PID1: variants seen among roughly 807,000 people sequenced by gnomAD.
The protein encoded by PID1 is PTB-containing, cubilin and LRP1-interacting protein.
A neutral mutation model predicts 19.1 loss-of-function variants in PID1; 10 were observed. The ratio of observed to expected loss-of-function variants is 0.52; its 90% CI spans 0.32 to 0.89. PID1 has a LOEUF of 0.89. Among genes scored for constraint, PID1 ranks in the 40% least tolerant of loss-of-function variants. PID1 has a pLI of 0.03. For missense variants in PID1, 248 were observed against 285.3 expected, an observed-to-expected ratio of 0.87 and a Z score of 0.94; for synonymous variants, 130 against 116.0, an observed-to-expected ratio of 1.12 and a Z score of -0.78.
At chr2:229,113,509 C>CATATATATATATATAT (rs3067619) in intron 2 of PID1, among the ~76,000 whole-genome samples, 1 of 138,204 alleles carries the variant, frequency 7.2e-6, no homozygotes, top group African/African-American at 2.7e-5. Context: ...TGTGTGTATA[C>CATATATATATATATAT]ATATATATAT....
intron 2 of PID1, among the ~76,000 whole-genome samples, chr2:229,031,663 T>C (rs1259236714): frequency 6.6e-6 from 1 of 152,032 alleles, no homozygotes; most frequent in African/African-American, 2.4e-5. Context: ...AGAAATGGAA[T>C]GGAAAGAATT....
intron 1 of PID1, among the ~76,000 whole-genome samples, chr2:229,231,435 T>A (rs1323799510): frequency 1.3e-5 from 2 of 152,040 alleles, no homozygotes; most frequent in Admixed American, 1.3e-4. Flanking sequence ...GAATCTACCA[T>A]CACATGACTA....
At chr2:229,126,102 G>A (rs1220995382) in intron 2 of PID1, among the ~76,000 whole-genome samples, 3 of 152,114 alleles carry the variant, frequency 2.0e-5, no homozygotes, top group Non-Finnish European at 4.4e-5. Context: ...TCACGAGTTT[G>A]CAACACTCCC....
chr2:229,184,417 G>A lies in PID1; in HGVS notation c.31-28453C>T, dbSNP rs1247000311. On this transcript the variant is annotated intron_variant, in intron 1 of 2. Transcript: ENST00000392055. ...TATCTATCCCGTATATATCTATCCC[G>A]TATATATATAGCCCGTATATATATA... 4.9e-5 allele frequency among the ~76,000 whole-genome samples: 2 copies of A among 40,784 alleles called. 1 individual carries two copies. The highest frequency in any genetic ancestry group is 8.7e-5 in the Non-Finnish European group (2 of 22,958). The allele number at this position is 40,784 out of a possible 152,430, so 26.8% of individuals were successfully genotyped here.
At chr2:229,225,693 G>C (rs1208624692) in intron 1 of PID1, among the ~76,000 whole-genome samples, 1 of 152,196 alleles carries the variant, frequency 6.6e-6, no homozygotes, top group Non-Finnish European at 1.5e-5. Context: ...TTGACTCACA[G>C]TTTAGCATGT....
chr2:229,249,440 A>T (rs907934908), intron 1 of PID1, among the ~76,000 whole-genome samples: 1 of 152,328 alleles, frequency 6.6e-6, no homozygotes, highest in African/African-American at 2.4e-5. Flanking sequence ...AAATTATAAA[A>T]TATCATTAGT....
intron 2 of PID1, among the ~76,000 whole-genome samples, chr2:229,095,119 C>T (rs1694949473): frequency 6.6e-6 from 1 of 152,070 alleles, no homozygotes; most frequent in Admixed American, 6.6e-5. Flanking sequence ...CTTCCCATAC[C>T]CTTCCCTAAC....
At chr2:229,204,323 C>T (rs1691559721) in intron 1 of PID1, among the ~76,000 whole-genome samples, 1 of 151,982 alleles carries the variant, frequency 6.6e-6, no homozygotes, top group Non-Finnish European at 1.5e-5. Flanking sequence ...GTACTACATA[C>T]AAAAAATGAT....
intron 2 of PID1, among the ~76,000 whole-genome samples, chr2:229,084,015 A>G (rs1694717152): frequency 6.6e-6 from 1 of 152,194 alleles, no homozygotes; most frequent in African/African-American, 2.4e-5. Flanking sequence ...ATAATAGGAA[A>G]CATTTACTTC....
rs986865198 is a variant in PID1, at chr2:229,091,330, A to G, written c.177+64488T>C. On this transcript the variant is annotated intron_variant, in intron 2 of 2. Transcript: ENST00000392055. ...CAAATAAGTAAGAGAGTCTATTCAA[A>G]TAAGTAAGAGATTCACAAAAACTCC... Among the ~76,000 whole-genome samples, 26 of 151,778 alleles carry G rather than the reference A, an allele frequency of 1.7e-4. 1 individual carries two copies. In the Middle Eastern group the frequency reaches 0.017, roughly 99 times the overall value.
At chr2:229,163,466 G>A (rs1269181092) in intron 1 of PID1, among the ~76,000 whole-genome samples, 2 of 151,680 alleles carry the variant, frequency 1.3e-5, no homozygotes, top group East Asian at 3.9e-4. Context: ...TGTTCACACA[G>A]CCATATTTAT....
intron 2 of PID1, among the ~76,000 whole-genome samples, chr2:229,155,130 A>G (rs917996608): frequency 6.6e-6 from 1 of 152,170 alleles, no homozygotes; most frequent in African/African-American, 2.4e-5. Flanking sequence ...TGTTTTTTTC[A>G]TTCTTCAAGA....
At position 229,028,567 on chromosome 2, in the gene PID1, C is replaced by A. The variant is rs572516748; in HGVS notation, c.178-2459G>T. Among the ~76,000 whole-genome samples, 17 of 152,190 alleles carry A rather than the reference C, an allele frequency of 1.1e-4. No individual in the cohort carries two copies. In the South Asian group the frequency reaches 3.5e-3, roughly 32 times the overall value. ...TAATATCTGGAATACATACAGAACA[C>A]CTAAAAGTCAACAACAAAAAGTCAA... On this transcript the variant is annotated intron_variant, in intron 2 of 2. Transcript: ENST00000392055.
intron 2 of PID1, among the ~76,000 whole-genome samples, chr2:229,115,538 AT>A (rs1236790308): frequency 6.6e-6 from 1 of 152,226 alleles, no homozygotes; most frequent in African/African-American, 2.4e-5. Flanking sequence ...TTAAAGCAGA[AT>A]TTAAGTAGAG....
At chr2:229,203,354 C>T (rs1156884798) in intron 1 of PID1, among the ~76,000 whole-genome samples, 1 of 152,030 alleles carries the variant, frequency 6.6e-6, no homozygotes, top group East Asian at 1.9e-4. Context: ...AAGTCTTCAC[C>T]TAATGTCATC....
rs138058075 is a variant in PID1 at position 229,058,671 on chromosome 2, A to G, written c.178-32563T>C. ...AGAAACTTGATAAGAATGCTAAGTC[A>G]ATAAATTTGCGTTTGATCACATTCA... On this transcript the variant is annotated intron_variant, in intron 2 of 2. Transcript: ENST00000392055. 5.8e-4 allele frequency among the ~76,000 whole-genome samples: 88 copies of G among 151,960 alleles called. No homozygotes were observed. The Middle Eastern group carries it at 0.01, about 18-fold the overall frequency.
At chr2:229,199,226 G>A (rs975571138) in intron 1 of PID1, among the ~76,000 whole-genome samples, 6 of 151,990 alleles carry the variant, frequency 3.9e-5, no homozygotes, top group African/African-American at 1.2e-4. Context: ...CTTCTCCTGG[G>A]CTGAAACTGC....
chr2:229,177,547 C>T (rs1690849943), intron 1 of PID1, among the ~76,000 whole-genome samples: 1 of 152,168 alleles, frequency 6.6e-6, no homozygotes, highest in African/African-American at 2.4e-5. Flanking sequence ...CTGATTTCAA[C>T]ATGTCTGCCT....
chr2:229,129,185 T>C (rs1399346036), intron 2 of PID1, among the ~76,000 whole-genome samples: 4 of 152,134 alleles, frequency 2.6e-5, no homozygotes, highest in African/African-American at 9.7e-5. Flanking sequence ...CCTACCACAC[T>C]TGTGCTAGTT....
Sources: gnomAD v4.1 joint callset for allele counts (sites outside exome capture counted in the v4.1 genomes callset) on GRCh38, gnomAD v4.1.1 for gene constraint, MANE v1.5 for transcripts, NCBI Gene and HGNC (gene_info 2026-07-23, HGNC 2026-07-21) for gene names.